MYZAP: variants seen among roughly 807,000 people sequenced by gnomAD.
MYZAP encodes the protein GRINL1A complex locus upstream.
MYZAP carries 66 observed loss-of-function variants against 69.4 expected under a neutral mutation model. The ratio of observed to expected loss-of-function variants is 0.95; its 90% CI spans 0.78 to 1.17. The LOEUF (loss-of-function observed/expected upper bound fraction) is 1.17. Ranked by LOEUF, MYZAP falls within the 50% of genes most tolerant of loss-of-function variation. The pLI is 0.00. For synonymous variants in MYZAP, 256 were observed against 205.9 expected (o/e 1.24, Z -2.09); for missense variants, 611 against 556.2 (o/e 1.10, Z -0.99).
At chr15:57,634,694 G>C (rs2733595) in intron 8 of MYZAP, among the ~76,000 whole-genome samples, 73,709 of 152,100 alleles carry the variant, frequency 0.48, 18,063 homozygotes, top group Non-Finnish European at 0.5. Context: ...ATTCAGTTCT[G>C]TGGAGCTTCA....
intron 4 of MYZAP, among the ~76,000 whole-genome samples, chr15:57,625,285 G>A (rs2036062267): frequency 6.6e-6 from 1 of 152,118 alleles, no homozygotes; most frequent in African/African-American, 2.4e-5. Context: ...CGTTGGCCAG[G>A]CTGGTCTCGA....
chr15:57,677,293 A>G (rs1174680009), intron 12 of MYZAP, among the ~76,000 whole-genome samples: 1 of 152,238 alleles, frequency 6.6e-6, no homozygotes, highest in African/African-American at 2.4e-5. Context: ...GTTGGATTCC[A>G]AGTAAGATTC....
intron 1 of MYZAP, among the ~76,000 whole-genome samples, chr15:57,597,342 T>G (rs2034126112): frequency 6.6e-6 from 1 of 152,216 alleles, no homozygotes; most frequent in South Asian, 2.1e-4. Context: ...CATCTTAAAG[T>G]ACAGAAAAGC....
rs539735349 is a variant in MYZAP, at chr15:57,609,507, G to A, written c.162+5152G>A. Among the ~76,000 whole-genome samples, 10 of 152,152 alleles carry A rather than the reference G, an allele frequency of 6.6e-5. No homozygotes were observed. The South Asian group carries it at 1.9e-3, about 28-fold the overall frequency. Reference sequence around the variant, plus strand: ...TGTCCAGATTTTCCCCTTTTTATAGGGACACCAATAGGGCCCAGTCTGATG... The same window carrying A: ...TGTCCAGATTTTCCCCTTTTTATAGAGACACCAATAGGGCCCAGTCTGATG... On this transcript the variant is annotated intron_variant, in intron 2 of 12. Coordinates refer to ENST00000267853, the MANE Select transcript of MYZAP (RefSeq NM_001018100.5).
At chr15:57,673,091 C>T (rs755175791) in intron 11 of MYZAP, among the ~76,000 whole-genome samples, 17 of 152,204 alleles carry the variant, frequency 1.1e-4, no homozygotes, top group Non-Finnish European at 2.5e-4. Flanking sequence ...ATTATATTCT[C>T]ATGAGTATAC....
At chr15:57,612,249 C>T (rs796193024) in intron 2 of MYZAP, among the ~76,000 whole-genome samples, 15 of 152,250 alleles carry the variant, frequency 9.9e-5, no homozygotes, top group African/African-American at 3.1e-4. Context: ...GGAAGTCACA[C>T]GAGTCACATT....
intron 5 of MYZAP, among the ~76,000 whole-genome samples, chr15:57,627,292 C>A (rs867853499): frequency 1.2e-4 from 18 of 150,898 alleles, no homozygotes; most frequent in Admixed American, 1.3e-4. Flanking sequence ...AGTTATCATG[C>A]AGGCTCTTAG....
Position 57,592,108 on chromosome 15 carries a change from G to A in MYZAP, c.74G>A (p.Arg25Lys). The A allele has an allele frequency of 7.5e-7, 1 of 1,342,010 alleles. No homozygotes were observed. The highest frequency in any genetic ancestry group is 9.5e-7 in the Non-Finnish European group (1 of 1,050,296). The allele number at this position is 1,342,010 out of a possible 1,614,324, so 83.1% of individuals were successfully genotyped here. ...AARTPGAPSR[R>K]ANVCRLRLTV... Reference sequence around the variant, plus strand: ...AGGACGCCCGGGGCGCCCAGCAGGAGGGTGAGTAGCGGGGGCGGGAGCCGC... The same window carrying A: ...AGGACGCCCGGGGCGCCCAGCAGGAAGGTGAGTAGCGGGGGCGGGAGCCGC... The change falls in exon 1 of 13, where the codon AGG (arginine) becomes AAG (lysine). Residue 25 changes from arginine (R) to lysine (K), a missense_variant and splice_region_variant. Physicochemically the swap from Arg to Lys is conservative, Grantham distance 26. Coordinates refer to ENST00000267853, the MANE Select transcript of MYZAP (RefSeq NM_001018100.5).
intron 3 of MYZAP, among the ~76,000 whole-genome samples, chr15:57,618,483 T>C (rs1300905080): frequency 4.6e-5 from 7 of 152,166 alleles, no homozygotes. Flanking sequence ...GAGTGGTTTT[T>C]CTTTATTGCA....
chr15:57,645,276 C>T (rs190637900), intron 10 of MYZAP, among the ~76,000 whole-genome samples: 1 of 152,260 alleles, frequency 6.6e-6, no homozygotes, highest in East Asian at 1.9e-4. Flanking sequence ...TTGGGGGAAA[C>T]AAACTGGATC....
intron 12 of MYZAP, among the ~76,000 whole-genome samples, chr15:57,683,593 T>C (rs2039545016): frequency 6.6e-6 from 1 of 152,234 alleles, no homozygotes; most frequent in Non-Finnish European, 1.5e-5. Flanking sequence ...TAGTCTGTTC[T>C]GGCTGCCATA....
chr15:57,684,466 C>T lies in MYZAP; in HGVS notation c.1369C>T (p.Leu457=), dbSNP rs1237367066. 6.2e-7 allele frequency: 1 copy of T among 1,613,000 alleles called. No homozygotes were observed. Among genetic ancestry groups the T allele is most frequent in the South Asian group, 1.1e-5 (1 of 90,934 alleles). ...SRNYTPYTRV[L]ELTMKKTLT ...GAACTACACCCCATACACAAGAGTC[C>T]TGGAGTTAACCATGAAGAAAACTCT... Residue 457 remains leucine, a synonymous_variant, in exon 13 of 13, where the codon CTG becomes TTG. Coordinates refer to ENST00000267853, the MANE Select transcript of MYZAP (RefSeq NM_001018100.5).
At chr15:57,646,476 A>T in intron 10 of MYZAP, 1 of 1,030,132 alleles carries the variant, frequency 9.7e-7, no homozygotes, top group Non-Finnish European at 1.2e-6. Flanking sequence ...TTGAAGAAGG[A>T]ACTGCAATGA....
In MYZAP at chr15:57,685,356, T is replaced by A. The variant is rs1387709872; in HGVS notation, c.*858T>A. The A allele has an allele frequency of 1.3e-5, 2 of 152,198 alleles. No individual in the cohort carries two copies. Among genetic ancestry groups the A allele is most frequent in the Non-Finnish European group, 2.9e-5 (2 of 68,036 alleles). 9.4% of individuals were successfully genotyped at this position (152,198 alleles called of 1,614,324 possible). A position where few individuals can be genotyped will look rare whatever the true frequency, so the allele number is the denominator to read the frequency against. Reference sequence around the variant, plus strand: ...TGTTTAATAAATACCATATATTTTGTTCTACTAATGTTGTCTCTCTGTTTC... The same window carrying A: ...TGTTTAATAAATACCATATATTTTGATCTACTAATGTTGTCTCTCTGTTTC... On this transcript the variant is annotated 3_prime_UTR_variant, in exon 13 of 13. Coordinates refer to ENST00000267853, the MANE Select transcript of MYZAP (RefSeq NM_001018100.5).
At chr15:57,676,138 C>T (rs1171853024) in intron 12 of MYZAP, among the ~76,000 whole-genome samples, 3 of 152,078 alleles carry the variant, frequency 2.0e-5, no homozygotes, top group African/African-American at 7.2e-5. Context: ...CTTCTAAAGT[C>T]AGTGATTTGA....
In MYZAP at chr15:57,627,393, GAGGGGGAGGGGAGGGGA is replaced by G. The variant is rs1295373720; in HGVS notation, c.525+1511_525+1527del. Among the ~76,000 whole-genome samples the G allele has an allele frequency of 6.4e-3, 856 of 133,588 alleles. 12 individuals carry two copies. Among genetic ancestry groups the G allele is most frequent in the African/African-American group, 0.023 (820 of 36,334 alleles). 87.6% of individuals were successfully genotyped at this position (133,588 alleles called of 152,430 possible). A position where few individuals can be genotyped will look rare whatever the true frequency, so the allele number is the denominator to read the frequency against. On this transcript the variant is annotated intron_variant, in intron 5 of 12. Coordinates refer to ENST00000267853, the MANE Select transcript of MYZAP (RefSeq NM_001018100.5). ...AGAGAGGGAGAGGGAGGGGGAGGGG[GAGGGGGAGGGGAGGGGA>G]AGGGGGAGGAGGAGGAGGAGGAGAA...
At position 57,618,052 on chromosome 15, in the gene MYZAP, G is replaced by C. The variant is rs1176255720; in HGVS notation, c.182G>C (p.Gly61Ala). ...TTTTAGCTTCTTGACCTGAGCAATG[G>C]AGAACCTACCAGGAAACTTCCTCAG... ...RKEQLLDLSNGEPTRKLPQGV... is the reference protein window; with the variant it reads ...RKEQLLDLSNAEPTRKLPQGV... Residue 61 changes from glycine (G) to alanine (A), a missense_variant, in exon 3 of 13, where the codon GGA (glycine) becomes GCA (alanine). Coordinates refer to ENST00000267853, the MANE Select transcript of MYZAP (RefSeq NM_001018100.5). 3 of 1,613,708 alleles carry C rather than the reference G, an allele frequency of 1.9e-6. No homozygotes were observed. The highest frequency in any genetic ancestry group is 2.7e-5 in the African/African-American group (2 of 74,896).
intron 10 of MYZAP, chr15:57,646,550 T>C (rs1468278111): frequency 1.5e-5 from 15 of 1,014,492 alleles, no homozygotes; most frequent in African/African-American, 1.7e-5. Context: ...AATCCTTACT[T>C]ATGGAAAAGC....
intron 4 of MYZAP, 110 bp downstream of exon 4, chr15:57,621,810 A>G: frequency 2.1e-6 from 2 of 932,706 alleles, no homozygotes; most frequent in Non-Finnish European, 3.0e-6. Context: ...CTTTATCAAT[A>G]GAATTACATT....
Sources: gnomAD v4.1 joint callset for allele counts (sites outside exome capture counted in the v4.1 genomes callset) on GRCh38, gnomAD v4.1.1 for gene constraint, MANE v1.5 for transcripts, NCBI Gene and HGNC (gene_info 2026-07-23, HGNC 2026-07-21) for gene names.